The following CCSER1 variants were observed in gnomAD, a reference collection of about 807,000 sequenced individuals.
CCSER1 encodes coiled-coil serine rich protein 1, also known as serine-rich coiled-coil domain-containing protein 1.
In CCSER1, 41 loss-of-function variants were observed where a neutral mutation model predicts 82.0. The observed-to-expected ratio is 0.50, with a 90% confidence interval of 0.39 to 0.65. CCSER1 has a LOEUF of 0.65. CCSER1 is among the 30% of genes least tolerant of loss of function. The pLI is 0.00. For missense variants in CCSER1, 1,119 were observed against 1,064.2 expected (o/e 1.05, Z -0.72); for synonymous variants, 414 against 383.9 (o/e 1.08, Z -0.92).
intron 1 of CCSER1, among the ~76,000 whole-genome samples, chr4:90,167,980 G>A (rs1489405573): frequency 6.6e-6 from 1 of 152,028 alleles, no homozygotes; most frequent in East Asian, 1.9e-4. Flanking sequence ...AATCCTTTGG[G>A]TATCTACCCA....
intron 10 of CCSER1, among the ~76,000 whole-genome samples, chr4:91,260,832 C>T (rs1173845997): frequency 6.6e-6 from 1 of 152,096 alleles, no homozygotes; most frequent in Non-Finnish European, 1.5e-5. Flanking sequence ...GCGATCTCGG[C>T]TCACTGCAAG....
rs540408304 is a variant in CCSER1 at position 91,569,293 on chromosome 4, G to C, written c.2218-29279G>C. 2.9e-4 allele frequency among the ~76,000 whole-genome samples: 44 copies of C among 152,242 alleles called. No individual in the cohort carries two copies. In the South Asian group the frequency reaches 4.1e-3, roughly 14 times the overall value. On this transcript the variant is annotated intron_variant, in intron 10 of 10. Transcript: ENST00000509176. ...CCTCTCCCCTTGAGTGCTGGCTGTA[G>C]ATTGCAACTTGACACTCTGGGCTGC...
At chr4:90,377,430 A>G (rs1420115444) in intron 3 of CCSER1, among the ~76,000 whole-genome samples, 1 of 152,162 alleles carries the variant, frequency 6.6e-6, no homozygotes, top group Non-Finnish European at 1.5e-5. Flanking sequence ...ACACCAGTAT[A>G]ATTAGGTAGA....
intron 1 of CCSER1, among the ~76,000 whole-genome samples, chr4:90,182,198 C>T (rs1249011645): frequency 6.6e-6 from 1 of 151,778 alleles, no homozygotes; most frequent in Non-Finnish European, 1.5e-5. Flanking sequence ...AATTGAATTG[C>T]TTTTGTCTAA....
At chr4:91,111,478 CTG>C (rs1284426075) in intron 10 of CCSER1, among the ~76,000 whole-genome samples, 4 of 151,908 alleles carry the variant, frequency 2.6e-5, no homozygotes, top group African/African-American at 7.2e-5. Flanking sequence ...GACCAAGAAA[CTG>C]TGCATTGGCA....
At chr4:91,235,189 T>A (rs1004752583) in intron 10 of CCSER1, among the ~76,000 whole-genome samples, 4 of 152,116 alleles carry the variant, frequency 2.6e-5, no homozygotes, top group African/African-American at 9.6e-5. Flanking sequence ...AAATCTAGGT[T>A]AACATAATGT....
At chr4:90,851,163 A>G (rs1763836072) in intron 8 of CCSER1, among the ~76,000 whole-genome samples, 1 of 152,172 alleles carries the variant, frequency 6.6e-6, no homozygotes, top group Non-Finnish European at 1.5e-5. Flanking sequence ...GAGTAAATTA[A>G]ATCTTTTTTC....
At chr4:91,560,198 T>C (rs1280548556) in intron 10 of CCSER1, among the ~76,000 whole-genome samples, 1 of 151,526 alleles carries the variant, frequency 6.6e-6, no homozygotes, top group Non-Finnish European at 1.5e-5. Context: ...GGTAGTTAGA[T>C]TGATGTTGCT....
intron 9 of CCSER1, among the ~76,000 whole-genome samples, chr4:90,947,998 T>G (rs914674076): frequency 1.3e-5 from 2 of 152,062 alleles, no homozygotes; most frequent in African/African-American, 4.8e-5. Context: ...CACCTTTAAT[T>G]CCCACATTAC....
chr4:90,237,180 G>C (rs1745955605), intron 1 of CCSER1, among the ~76,000 whole-genome samples: 1 of 152,100 alleles, frequency 6.6e-6, no homozygotes, highest in African/African-American at 2.4e-5. Context: ...GGGAATTTCT[G>C]TCTTTTATCT....
At chr4:91,293,377 A>G (rs1743906228) in intron 10 of CCSER1, among the ~76,000 whole-genome samples, 2 of 152,030 alleles carry the variant, frequency 1.3e-5, no homozygotes, top group Admixed American at 6.6e-5. Context: ...GTTATTATCA[A>G]TGTTGTAAAA....
At chr4:91,376,902 C>CCCCCCCAT (rs141460197) in intron 10 of CCSER1, among the ~76,000 whole-genome samples, 22 of 142,782 alleles carry the variant, frequency 1.5e-4, no homozygotes, top group South Asian at 1.4e-3. Context: ...TACTATCCCT[C>CCCCCCCAT]CCCCCACCCA....
At position 90,722,894 on chromosome 4, in the gene CCSER1, G is replaced by A. The variant is rs533943398; in HGVS notation, c.1933-1020G>A. 6.6e-5 allele frequency among the ~76,000 whole-genome samples: 10 copies of A among 151,928 alleles called. No individual in the cohort carries two copies. In the South Asian group the frequency reaches 1.5e-3, roughly 22 times the overall value. On this transcript the variant is annotated intron_variant, in intron 6 of 10. Coordinates refer to ENST00000509176, the MANE Select transcript of CCSER1 (RefSeq NM_001145065.2). ...TAGAAAGTCTCTAAGAATAAGTAGC[G>A]GTTGTAGCACCTATGCTTTGAATGC...
At chr4:91,257,204 G>A (rs1357473212) in intron 10 of CCSER1, among the ~76,000 whole-genome samples, 7 of 152,020 alleles carry the variant, frequency 4.6e-5, no homozygotes, top group African/African-American at 1.2e-4. Flanking sequence ...GATATGTTAC[G>A]TTAGAAAACA....
chr4:91,407,135 T>C (rs765817795), intron 10 of CCSER1, among the ~76,000 whole-genome samples: 1 of 152,196 alleles, frequency 6.6e-6, no homozygotes, highest in Non-Finnish European at 1.5e-5. Context: ...GCTGCTCCAA[T>C]TTCATGCTTG....
intron 5 of CCSER1, among the ~76,000 whole-genome samples, chr4:90,483,901 T>G (rs1366493621): frequency 6.6e-5 from 10 of 152,224 alleles, no homozygotes; most frequent in Non-Finnish European, 1.3e-4. Context: ...CTGTATTCAC[T>G]GAATGTGAAT....
chr4:90,387,683 G>C (rs146032561), intron 3 of CCSER1, among the ~76,000 whole-genome samples: 1,715 of 152,216 alleles, frequency 0.011, 33 homozygotes, highest in African/African-American at 0.04. Context: ...GAGAAACTCT[G>C]GACATTATAG....
At chr4:90,599,982 G>T (rs984979248) in intron 5 of CCSER1, among the ~76,000 whole-genome samples, 1 of 152,068 alleles carries the variant, frequency 6.6e-6, no homozygotes, top group Non-Finnish European at 1.5e-5. Flanking sequence ...AGTTTTTGTT[G>T]TCTGGCACTT....
chr4:90,967,612 A>G (rs1285211497), intron 9 of CCSER1, among the ~76,000 whole-genome samples: 1 of 152,152 alleles, frequency 6.6e-6, no homozygotes, highest in Non-Finnish European at 1.5e-5. Flanking sequence ...TTATAAAAAA[A>G]TAAATGAGTA....
Sources: gnomAD v4.1 joint callset for allele counts (sites outside exome capture counted in the v4.1 genomes callset) on GRCh38, gnomAD v4.1.1 for gene constraint, MANE v1.5 for transcripts, NCBI Gene and HGNC (gene_info 2026-07-23, HGNC 2026-07-21) for gene names.